The following CLIP1 variants were observed in gnomAD, a reference collection of about 807,000 sequenced individuals.
The protein encoded by CLIP1 is CAP-Gly domain-containing linker protein 1.
CLIP1 carries 66 observed loss-of-function variants against 161.6 expected under a neutral mutation model. The observed-to-expected ratio is 0.41, with a 90% CI of 0.33 to 0.50. CLIP1 has a LOEUF of 0.50. Among genes scored for constraint, CLIP1 ranks in the 20% least tolerant of loss-of-function variants. CLIP1 has a pLI of 0.27. For missense variants in CLIP1, 1,376 were observed against 1,702.0 expected, an observed-to-expected ratio of 0.81 and a Z score of 3.37; for synonymous variants, 598 against 626.2, an observed-to-expected ratio of 0.96 and a Z score of 0.67.
At chr12:122,273,924 G>A in intron 25 of CLIP1, 114 bp downstream of exon 25, 1 of 790,396 alleles carries the variant, frequency 1.3e-6, no homozygotes, top group Middle Eastern at 2.4e-4. Flanking sequence ...TAGAGACGAG[G>A]TTTCATCGTG....
chr12:122,365,282 C>CAAAGGAATGCGTACTGTTCAA, intron 3 of CLIP1: 2 of 698,366 alleles, frequency 2.9e-6, no homozygotes, highest in Non-Finnish European at 5.1e-6. Context: ...TTGTAGACAT[C>CAAAGGAATGCGTACTGTTCAA]AAAGGAATGC....
chr12:122,336,322 G>A (rs1694134011), intron 12 of CLIP1, among the ~76,000 whole-genome samples: 1 of 151,128 alleles, frequency 6.6e-6, no homozygotes, highest in African/African-American at 2.4e-5. Flanking sequence ...AACTGTGTTC[G>A]ATGTATAACT....
chr12:122,405,458 G>A (rs969706745), intron 1 of CLIP1, among the ~76,000 whole-genome samples: 1 of 151,950 alleles, frequency 6.6e-6, no homozygotes, highest in Non-Finnish European at 1.5e-5. Flanking sequence ...TTTTTAAATA[G>A]GCCAGACTCA....
At chr12:122,322,997 A>C (rs1951571947) in intron 17 of CLIP1, 1 of 152,412 alleles carries the variant, frequency 6.6e-6, no homozygotes, top group Non-Finnish European at 1.5e-5. Flanking sequence ...TCTCTCTTGA[A>C]GCTCCTTCTT....
intron 18 of CLIP1, 72 bp from the exon 19 acceptor site, chr12:122,316,927 A>G (rs1197406901): frequency 4.3e-6 from 4 of 932,252 alleles, no homozygotes; most frequent in South Asian, 1.7e-5. Flanking sequence ...CAAATTATTC[A>G]TGAAAATGTG....
chr12:122,390,271 TA>T (rs1566214399), intron 1 of CLIP1, among the ~76,000 whole-genome samples: 2 of 42,070 alleles, frequency 4.8e-5, no homozygotes, highest in East Asian at 5.0e-3. Context: ...CACACACATA[TA>T]TATATACATA....
intron 1 of CLIP1, among the ~76,000 whole-genome samples, chr12:122,388,484 G>T (rs986839698): frequency 6.6e-6 from 1 of 152,164 alleles, no homozygotes; most frequent in Admixed American, 6.5e-5. Flanking sequence ...CTCCTAAAGT[G>T]CTGGGATTAC....
At chr12:122,380,177 A>G (rs1954947640) in intron 2 of CLIP1, among the ~76,000 whole-genome samples, 191 bp downstream of exon 2, 1 of 151,650 alleles carries the variant, frequency 6.6e-6, no homozygotes, top group African/African-American at 2.4e-5. Context: ...CAGGAGGCGG[A>G]GCCTGCAGTG....
At chr12:122,362,246 C>A (rs1953876143) in intron 4 of CLIP1, among the ~76,000 whole-genome samples, 1 of 151,072 alleles carries the variant, frequency 6.6e-6, no homozygotes. Flanking sequence ...GCCACCATGC[C>A]CCGCCCAAAA....
At position 122,416,572 on chromosome 12, in the gene CLIP1, G is replaced by A. The variant is rs530367136; in HGVS notation, c.-107+5949C>T. ...TCAGGAATTTGAGTCTAGCTTGGGCGATATAACAAGACCCCTTCTCAAAAA... is the reference window on the plus strand; with the variant it reads ...TCAGGAATTTGAGTCTAGCTTGGGCAATATAACAAGACCCCTTCTCAAAAA... On this transcript the variant is annotated intron_variant, in intron 1 of 25. Coordinates refer to ENST00000620786, the MANE Select transcript of CLIP1 (RefSeq NM_001247997.2). Among the ~76,000 whole-genome samples, 5 of 152,160 alleles carry A rather than the reference G, an allele frequency of 3.3e-5. 1 individual carries two copies. The South Asian group carries it at 8.3e-4, about 25-fold the overall frequency.
intron 1 of CLIP1, among the ~76,000 whole-genome samples, chr12:122,401,889 C>T (rs556589158): frequency 7.9e-5 from 12 of 151,758 alleles, no homozygotes; most frequent in East Asian, 1.9e-4. Context: ...CCCAGCTACT[C>T]GGGAGGCTGA....
intron 5 of CLIP1, chr12:122,360,731 T>C: frequency 6.3e-6 from 3 of 479,462 alleles, no homozygotes; most frequent in Non-Finnish European, 1.1e-5. Flanking sequence ...TTTTTAAGCT[T>C]TTAAGAATCT....
intron 4 of CLIP1, among the ~76,000 whole-genome samples, chr12:122,362,200 C>T (rs529212483): frequency 1.3e-5 from 2 of 151,394 alleles, no homozygotes; most frequent in South Asian, 4.2e-4. Context: ...GATCTGCCCA[C>T]CTTGGCCTCC....
intron 17 of CLIP1, chr12:122,322,485 C>T (rs1394829331): frequency 6.5e-6 from 1 of 152,688 alleles, no homozygotes; most frequent in Non-Finnish European, 1.5e-5. Flanking sequence ...GCAGCAAAAT[C>T]ACTTTTCAGA....
intron 17 of CLIP1, among the ~76,000 whole-genome samples, chr12:122,327,593 T>C (rs558459627): frequency 2.0e-5 from 3 of 151,814 alleles, no homozygotes; most frequent in African/African-American, 7.3e-5. Flanking sequence ...CAAACCCTAG[T>C]GCAAGGCAGC....
intron 20 of CLIP1, among the ~76,000 whole-genome samples, chr12:122,299,613 A>C (rs1351540736): frequency 1.4e-5 from 1 of 73,990 alleles, no homozygotes; most frequent in Non-Finnish European, 2.6e-5. Flanking sequence ...TAAATTCAGC[A>C]AAAAAAAAAA....
intron 1 of CLIP1, among the ~76,000 whole-genome samples, chr12:122,420,781 CA>C (rs1482388208): frequency 6.6e-6 from 1 of 151,730 alleles, no homozygotes; most frequent in Non-Finnish European, 1.5e-5. Flanking sequence ...ACCACAGATA[CA>C]AAAATTAGCC....
intron 20 of CLIP1, among the ~76,000 whole-genome samples, chr12:122,299,533 T>C (rs980982956): frequency 7.1e-6 from 1 of 141,028 alleles, no homozygotes; most frequent in Non-Finnish European, 1.5e-5. Context: ...AAGTTGCAGA[T>C]ATAATTTTTT....
At chr12:122,387,583 TATATA>T (rs1222731220) in intron 1 of CLIP1, among the ~76,000 whole-genome samples, 73 of 4,630 alleles carry the variant, frequency 0.016, no homozygotes, top group Non-Finnish European at 0.042. Context: ...TATATATATA[TATATA>T]TATTTTTTTT....
Sources: gnomAD v4.1 joint callset for allele counts (sites outside exome capture counted in the v4.1 genomes callset) on GRCh38, gnomAD v4.1.1 for gene constraint, MANE v1.5 for transcripts, NCBI Gene and HGNC (gene_info 2026-07-23, HGNC 2026-07-21) for gene names.